Variants in GNAO1 observed in about 807,000 individuals in gnomAD.
GNAO1 encodes G protein subunit alpha o1, also known as guanine nucleotide-binding protein G(o) subunit alpha.
For missense variants in GNAO1, 166 were observed against 478.7 expected (o/e 0.35, Z 6.10); for synonymous variants, 164 against 180.7 (o/e 0.91, Z 0.74).
intron 2 of GNAO1, among the ~76,000 whole-genome samples, chr16:56,198,346 A>C (rs1410462602): frequency 6.6e-6 from 1 of 152,234 alleles, no homozygotes; most frequent in Admixed American, 6.5e-5. Flanking sequence ...CATTGGTAGA[A>C]AGGAAGCTGT....
chr16:56,312,827 C>T (rs1306922831), intron 3 of GNAO1, among the ~76,000 whole-genome samples: 1 of 152,220 alleles, frequency 6.6e-6, no homozygotes, highest in Non-Finnish European at 1.5e-5. Context: ...TGGGACAAGG[C>T]TCACACATTT....
intron 2 of GNAO1, among the ~76,000 whole-genome samples, chr16:56,243,116 C>T (rs1348684173): frequency 2.6e-5 from 4 of 151,766 alleles, no homozygotes; most frequent in Non-Finnish European, 4.4e-5. Flanking sequence ...CACCCCTAGA[C>T]GGGACCATCT....
At chr16:56,270,330 T>G (rs1014107493) in intron 2 of GNAO1, 3 of 152,234 alleles carry the variant, frequency 2.0e-5, no homozygotes, top group Non-Finnish European at 4.4e-5. Context: ...GTCCCTGAGT[T>G]TTGGGTGGAC....
Position 56,235,078 on chromosome 16 carries a change from CCAGA to C in GNAO1, c.162-40850_162-40847del, listed in dbSNP as rs1300868647. The C allele has an allele frequency of 2.1e-5, 7 of 330,508 alleles. No individual in the cohort carries two copies. In the East Asian group the frequency reaches 4.6e-4, roughly 22 times the overall value. The allele number at this position is 330,508 out of a possible 1,614,324, so 20.5% of individuals were successfully genotyped here. ...TCTGCAAAAGACACCTATTCGCTGA[CCAGA>C]CAAAGATGCTTAGCCACAACTCACA... On this transcript the variant is annotated intron_variant, in intron 2 of 8. Transcript: ENST00000262493.
chr16:56,270,099 C>T (rs79244912), intron 2 of GNAO1: 2,536 of 152,378 alleles, frequency 0.017, 35 homozygotes, highest in South Asian at 0.032. Context: ...TCCTTGGTTG[C>T]CTCTTCCCAG....
intron 3 of GNAO1, among the ~76,000 whole-genome samples, chr16:56,310,744 A>G (rs923652075): frequency 6.6e-6 from 1 of 152,228 alleles, no homozygotes; most frequent in South Asian, 2.1e-4. Context: ...CCTAGCTGCT[A>G]TAACAAATAC....
At chr16:56,296,265 G>GT (rs1348059306) in intron 3 of GNAO1, among the ~76,000 whole-genome samples, 1 of 151,966 alleles carries the variant, frequency 6.6e-6, no homozygotes, top group Non-Finnish European at 1.5e-5. Context: ...TGTGTTGTGG[G>GT]TTTTTTTTAG....
intron 3 of GNAO1, among the ~76,000 whole-genome samples, chr16:56,322,652 G>T (rs2037587034): frequency 6.6e-6 from 1 of 152,062 alleles, no homozygotes; most frequent in South Asian, 2.1e-4. Flanking sequence ...GGCCTCAGGT[G>T]GCCAGGCCTT....
chr16:56,326,016 G>A lies in GNAO1; in HGVS notation c.304-2615G>A, dbSNP rs372774317. ...TCACCAGCCACCTCCTCCACTCATC[G>A]ACCCTCTTCCTTGCCTTGGCATCCC... On this transcript the variant is annotated intron_variant, in intron 3 of 8. Transcript: ENST00000262493. This position sits in a 1 kb window ranked among gnomAD's most constrained non-coding sequence, Gnocchi z 4.8. 2.6e-5 allele frequency among the ~76,000 whole-genome samples: 4 copies of A among 152,150 alleles called. No individual in the cohort carries two copies. The highest frequency in any genetic ancestry group is 4.4e-5 in the Non-Finnish European group (3 of 68,026).
intron 2 of GNAO1, among the ~76,000 whole-genome samples, chr16:56,256,718 C>CTCTCTCTGTG (rs1295470655): frequency 5.5e-5 from 4 of 72,214 alleles, no homozygotes; most frequent in East Asian, 5.5e-4. Context: ...CTCTCTCTCT[C>CTCTCTCTGTG]TGTGTGTGTG....
intron 2 of GNAO1, among the ~76,000 whole-genome samples, chr16:56,246,891 A>G (rs989080826): frequency 6.6e-6 from 1 of 152,244 alleles, no homozygotes; most frequent in Admixed American, 6.5e-5. Context: ...AAATGAATTA[A>G]TCAAGTAGGG....
intron 2 of GNAO1, among the ~76,000 whole-genome samples, chr16:56,230,117 T>A (rs1336040450): frequency 6.8e-6 from 1 of 146,216 alleles, no homozygotes; most frequent in African/African-American, 2.6e-5. Flanking sequence ...TTATGTTCCA[T>A]AACTTTAAAA....
intron 2 of GNAO1, among the ~76,000 whole-genome samples, chr16:56,265,345 C>T (rs542971643): frequency 9.1e-4 from 138 of 152,312 alleles, no homozygotes; most frequent in African/African-American, 3.2e-3. Context: ...GTCCACAGCT[C>T]CTGGGCTAGA....
chr16:56,254,966 C>G (rs2036833515), intron 2 of GNAO1, among the ~76,000 whole-genome samples: 1 of 152,216 alleles, frequency 6.6e-6, no homozygotes, highest in South Asian at 2.1e-4. Flanking sequence ...CATTCTCTCC[C>G]TGCTCTTCCC....
intron 6 of GNAO1, chr16:56,345,255 C>T (rs994581589): frequency 5.1e-6 from 5 of 985,418 alleles, no homozygotes; most frequent in African/African-American, 1.7e-5. Flanking sequence ...CCAGGCCAGT[C>T]GTGTGCTTGT....
chr16:56,298,972 CAT>C (rs1228104591), intron 3 of GNAO1, among the ~76,000 whole-genome samples: 4 of 151,360 alleles, frequency 2.6e-5, no homozygotes, highest in African/African-American at 9.7e-5. Flanking sequence ...GACGGGGTGT[CAT>C]GTGGATTGGG....
chr16:56,317,082 T>C (rs1233436480), intron 3 of GNAO1, among the ~76,000 whole-genome samples: 1 of 152,186 alleles, frequency 6.6e-6, no homozygotes, highest in Non-Finnish European at 1.5e-5. Context: ...GATCCCTGAG[T>C]TCTGAGGCTG....
chr16:56,347,203 C>A (rs1022122585), intron 6 of GNAO1: 1 of 985,316 alleles, frequency 1.0e-6, no homozygotes, highest in Non-Finnish European at 1.2e-6. Flanking sequence ...CCTCTGGCTG[C>A]CTCTTCTCTT....
At chr16:56,204,827 T>A (rs1332747884) in intron 2 of GNAO1, among the ~76,000 whole-genome samples, 1 of 152,194 alleles carries the variant, frequency 6.6e-6, no homozygotes. Flanking sequence ...TTTAGCTTGA[T>A]GGTCCCCAGG....
Sources: gnomAD v4.1 joint callset for allele counts (sites outside exome capture counted in the v4.1 genomes callset) on GRCh38, gnomAD v4.1.1 for gene constraint, Gnocchi (gnomAD v3.1) non-coding constraint, MANE v1.5 for transcripts, NCBI Gene and HGNC (gene_info 2026-07-23, HGNC 2026-07-21) for gene names.